KHDRBS2: variants seen among roughly 807,000 people sequenced by gnomAD.
KHDRBS2 encodes KH RNA binding domain containing, signal transduction associated 2, also known as KH domain-containing, RNA-binding, signal transduction-associated protein 2.
In KHDRBS2, 26 loss-of-function variants were observed where a neutral mutation model predicts 44.3. The ratio of observed to expected loss-of-function variants is 0.59; its 90% CI spans 0.43 to 0.81. The LOEUF (loss-of-function observed/expected upper bound fraction) is 0.81, where lower values mean the gene tolerates loss of function less well. Ranked by LOEUF, KHDRBS2 falls within the 40% of genes least tolerant of loss-of-function variation. KHDRBS2 has a pLI of 0.00. For missense variants in KHDRBS2, 476 were observed against 433.1 expected (o/e 1.10, Z -0.88); for synonymous variants, 194 against 151.1 (o/e 1.28, Z -2.08).
At chr6:62,093,261 C>G (rs1328152963) in intron 2 of KHDRBS2, among the ~76,000 whole-genome samples, 2 of 150,374 alleles carry the variant, frequency 1.3e-5, no homozygotes, top group Non-Finnish European at 3.0e-5. Flanking sequence ...ATATGCAAAA[C>G]ACAAGTCTCA....
chr6:62,142,652 T>C (rs371726720), intron 2 of KHDRBS2, among the ~76,000 whole-genome samples: 1 of 151,968 alleles, frequency 6.6e-6, no homozygotes, highest in Non-Finnish European at 1.5e-5. Context: ...AGGACTACTT[T>C]AAGTCCCGAT....
chr6:61,814,093 G>C, intron 6 of KHDRBS2: 1 of 455,464 alleles, frequency 2.2e-6, no homozygotes, highest in Non-Finnish European at 4.4e-6. Context: ...ATTTATACTA[G>C]CTGACTTTTA....
At chr6:61,654,278 G>A in the KHDRBS2 span, among the ~76,000 whole-genome samples, 5 of 151,964 alleles carry the variant, frequency 3.3e-5, no homozygotes, top group Non-Finnish European at 5.9e-5. Flanking sequence ...ATTTTTGAGT[G>A]TCTTGTGACA....
chr6:61,553,144 A>G, the KHDRBS2 span, among the ~76,000 whole-genome samples: 4 of 152,032 alleles, frequency 2.6e-5, no homozygotes, highest in African/African-American at 9.7e-5. Context: ...GCTTTTTTGG[A>G]TAGTAGGCTT....
chr6:62,157,547 T>A (rs2150109772), intron 2 of KHDRBS2, among the ~76,000 whole-genome samples: 1 of 152,298 alleles, frequency 6.6e-6, no homozygotes, highest in Non-Finnish European at 1.5e-5. Flanking sequence ...TGTCTTCAGA[T>A]GGGAACACAG....
intron 1 of KHDRBS2, among the ~76,000 whole-genome samples, chr6:62,282,654 C>T (rs759286737): frequency 4.7e-4 from 71 of 152,034 alleles, no homozygotes; most frequent in Non-Finnish European, 9.3e-4. Flanking sequence ...AATCTGTCCC[C>T]AGTACCCAAA....
At chr6:62,285,041 C>T (rs1440357679) in intron 1 of KHDRBS2, among the ~76,000 whole-genome samples, 2 of 151,850 alleles carry the variant, frequency 1.3e-5, no homozygotes, top group African/African-American at 4.8e-5. Flanking sequence ...CTACAGATAC[C>T]ATAGGTGTCT....
intron 2 of KHDRBS2, among the ~76,000 whole-genome samples, chr6:62,100,269 T>A (rs187624532): frequency 1.3e-5 from 2 of 152,218 alleles, no homozygotes; most frequent in African/African-American, 4.8e-5. Context: ...CTTAAATGGA[T>A]GAGGAATTGC....
intron 3 of KHDRBS2, among the ~76,000 whole-genome samples, chr6:62,001,509 G>A (rs371931693): frequency 3.0e-4 from 45 of 151,722 alleles, no homozygotes; most frequent in African/African-American, 1.1e-3. Flanking sequence ...GGATAAAATT[G>A]CTAACTTGAA....
intron 6 of KHDRBS2, among the ~76,000 whole-genome samples, chr6:61,875,784 C>T (rs1188512513): frequency 1.3e-5 from 2 of 152,012 alleles, no homozygotes; most frequent in Non-Finnish European, 2.9e-5. Flanking sequence ...GTTAATTTTA[C>T]AGTTCTTTAT....
At chr6:62,284,004 G>A (rs1842141795) in intron 1 of KHDRBS2, among the ~76,000 whole-genome samples, 1 of 152,096 alleles carries the variant, frequency 6.6e-6, no homozygotes, top group South Asian at 2.1e-4. Flanking sequence ...ACAAAAGCAG[G>A]GCATGCTTCC....
chr6:62,082,482 C>G (rs184612994), intron 2 of KHDRBS2, among the ~76,000 whole-genome samples: 1 of 151,818 alleles, frequency 6.6e-6, no homozygotes, highest in African/African-American at 2.4e-5. Flanking sequence ...CAGTGGATAC[C>G]CTTCTCCCTC....
intron 2 of KHDRBS2, among the ~76,000 whole-genome samples, chr6:62,107,580 T>C (rs555076760): frequency 2.0e-4 from 31 of 152,180 alleles, no homozygotes; most frequent in Admixed American, 5.2e-4. Flanking sequence ...CTTCACAGAA[T>C]TGGAAAAAAA....
chr6:61,587,040 A>C, the KHDRBS2 span, among the ~76,000 whole-genome samples: 1 of 152,070 alleles, frequency 6.6e-6, no homozygotes, highest in Non-Finnish European at 1.5e-5. Context: ...TGCCATTTTT[A>C]TTCTCTTTTC....
At chr6:61,633,189 C>T in the KHDRBS2 span, among the ~76,000 whole-genome samples, 1 of 151,898 alleles carries the variant, frequency 6.6e-6, no homozygotes, top group South Asian at 2.1e-4. Context: ...GAACTGTTTC[C>T]AAACTTACTT....
intron 1 of KHDRBS2, among the ~76,000 whole-genome samples, chr6:62,250,516 A>G (rs1836336359): frequency 6.6e-6 from 1 of 152,026 alleles, no homozygotes; most frequent in Non-Finnish European, 1.5e-5. Context: ...GTAAAGAAGG[A>G]AGGAAGAAGG....
chr6:62,248,286 A>AT (rs879493874), intron 1 of KHDRBS2, among the ~76,000 whole-genome samples: 17 of 151,046 alleles, frequency 1.1e-4, no homozygotes, highest in South Asian at 2.1e-4. Flanking sequence ...AGCTTGTGGT[A>AT]TTTTAAAAAA....
At chr6:62,192,818 G>T (rs1319573175) in intron 1 of KHDRBS2, among the ~76,000 whole-genome samples, 1 of 152,080 alleles carries the variant, frequency 6.6e-6, no homozygotes, top group Non-Finnish European at 1.5e-5. Flanking sequence ...GGAAGTAGAA[G>T]GTGATGCAAC....
rs377446025 is a variant in KHDRBS2 at position 62,167,166 on chromosome 6, G to A, written c.219+10019C>T. Among the ~76,000 whole-genome samples, 268 of 152,140 alleles carry A rather than the reference G, an allele frequency of 1.8e-3. 7 individuals carry two copies. The South Asian group carries it at 0.051, about 29-fold the overall frequency. ...CTGAGGTATGAGAAGGAAAGGGCTA[G>A]GGGTTTTGTTGCAGAATGAAAACAA... On this transcript the variant is annotated intron_variant, in intron 2 of 8. Transcript: ENST00000281156.
Sources: allele counts gnomAD v4.1 joint callset (sites outside exome capture counted in the v4.1 genomes callset), GRCh38; gene constraint gnomAD v4.1.1; transcripts MANE v1.5; gene names NCBI Gene and HGNC (gene_info 2026-07-23, HGNC 2026-07-21).